Variants in THSD7B observed in about 807,000 individuals in gnomAD.
THSD7B encodes thrombospondin type-1 domain-containing protein 7B.
Under a neutral mutation model 213.6 loss-of-function variants are expected in THSD7B, and 138 were observed. The observed-to-expected ratio is 0.65, with a 90% CI of 0.56 to 0.74. THSD7B has a LOEUF of 0.74. Ranked by LOEUF, THSD7B falls within the 30% of genes least tolerant of loss-of-function variation. The probability of loss-of-function intolerance (pLI) is 0.00; values close to 1 mark genes in which losing one functional copy is unlikely to be tolerated. For missense variants in THSD7B, 1,931 were observed against 1,991.5 expected (o/e 0.97, Z 0.58); for synonymous variants, 742 against 687.0 (o/e 1.08, Z -1.25).
intron 2 of THSD7B, among the ~76,000 whole-genome samples, chr2:136,961,948 G>A (rs529628978): frequency 5.3e-4 from 80 of 152,340 alleles, no homozygotes; most frequent in African/African-American, 1.8e-3. Flanking sequence ...TGCCCAGGAT[G>A]TATGAGTATG....
intron 14 of THSD7B, among the ~76,000 whole-genome samples, chr2:137,425,652 C>T (rs1331964688): frequency 3.3e-5 from 5 of 152,112 alleles, no homozygotes; most frequent in Non-Finnish European, 1.5e-5. Flanking sequence ...GTAGAATACC[C>T]TGTGGATTCC....
At chr2:136,885,161 C>T (rs1246655888) in intron 2 of THSD7B, among the ~76,000 whole-genome samples, 5 of 152,150 alleles carry the variant, frequency 3.3e-5, no homozygotes, top group African/African-American at 4.8e-5. Flanking sequence ...GATAACTGTA[C>T]TTTATTGTAG....
intron 15 of THSD7B, among the ~76,000 whole-genome samples, chr2:137,533,980 A>G (rs1680450838): frequency 6.7e-6 from 1 of 149,768 alleles, no homozygotes; most frequent in African/African-American, 2.5e-5. Context: ...TATTTATTAA[A>G]TAACTGCCCG....
intron 13 of THSD7B, among the ~76,000 whole-genome samples, chr2:137,408,176 A>G (rs947256168): frequency 1.2e-4 from 18 of 152,124 alleles, no homozygotes; most frequent in African/African-American, 3.9e-4. Context: ...CAGTGATGCT[A>G]TATAATTAAG....
At chr2:137,220,798 TA>T (rs35690491) in intron 7 of THSD7B, among the ~76,000 whole-genome samples, 90,699 of 151,930 alleles carry the variant, frequency 0.6, 27,477 homozygotes, top group South Asian at 0.71. Flanking sequence ...GGAGAATGAA[TA>T]AACAAAACCT....
At chr2:137,040,458 A>T (rs1355121960) in intron 2 of THSD7B, among the ~76,000 whole-genome samples, 1 of 150,684 alleles carries the variant, frequency 6.6e-6, no homozygotes, top group Non-Finnish European at 1.5e-5. Context: ...CAATGGCGCA[A>T]TCTTGGCTCA....
intron 7 of THSD7B, among the ~76,000 whole-genome samples, chr2:137,182,670 G>A (rs922048177): frequency 1.3e-5 from 2 of 152,104 alleles, no homozygotes; most frequent in Admixed American, 1.3e-4. Context: ...GCCAGCATAG[G>A]TTGAGTGCAC....
chr2:137,313,692 A>G lies in THSD7B; in HGVS notation c.2500+37666A>G, dbSNP rs1442710986. ...GCGCTTCCTTCAGGAGCTCTTTTAG[A>G]GCCGGCCTGGTGGTGACAAAATCTC... On this transcript the variant is annotated intron_variant, in intron 12 of 27. Coordinates refer to ENST00000409968, the MANE Select transcript of THSD7B (RefSeq NM_001316349.2). 5.3e-5 allele frequency among the ~76,000 whole-genome samples: 8 copies of G among 151,508 alleles called. No homozygotes were observed. The East Asian group carries it at 5.8e-4, about 11-fold the overall frequency.
rs535360353 is a variant in THSD7B, at chr2:136,889,935, T to C, written c.139+7618T>C. On this transcript the variant is annotated intron_variant, in intron 2 of 27. Transcript: ENST00000409968. ...CTAGTACTGCTAAAATAGGGTGTAC[T>C]GGAAGTAATTTTTCAAATCCGTTGA... is the stretch of plus-strand genomic sequence containing the variant. 3.9e-5 allele frequency among the ~76,000 whole-genome samples: 6 copies of C among 152,336 alleles called. No homozygotes were observed. In the South Asian group the frequency reaches 1.2e-3, roughly 32 times the overall value.
At position 137,031,073 on chromosome 2, in the gene THSD7B, G is replaced by A. The variant is rs545053628; in HGVS notation, c.140-25347G>A. On this transcript the variant is annotated intron_variant, in intron 2 of 27. Coordinates refer to ENST00000409968, the MANE Select transcript of THSD7B (RefSeq NM_001316349.2). Reference sequence around the variant, plus strand: ...GTGCAATTAGCAGAGGCCAGGTGCAGTAGCTCATGCCTATAATCCCAGAAT... The same window carrying A: ...GTGCAATTAGCAGAGGCCAGGTGCAATAGCTCATGCCTATAATCCCAGAAT... Among the ~76,000 whole-genome samples, 65 of 152,280 alleles carry A rather than the reference G, an allele frequency of 4.3e-4. No homozygotes were observed. The South Asian group carries it at 0.013, about 32-fold the overall frequency.
intron 17 of THSD7B, among the ~76,000 whole-genome samples, chr2:137,594,745 C>A (rs1681928333): frequency 1.3e-5 from 2 of 151,860 alleles, no homozygotes; most frequent in Non-Finnish European, 2.9e-5. Context: ...CGATTTCTTA[C>A]AATAATCCTG....
chr2:137,663,642 C>T (rs993742204), intron 26 of THSD7B, 67 bp downstream of exon 26: 1 of 1,365,730 alleles, frequency 7.3e-7, no homozygotes, highest in Non-Finnish European at 9.9e-7. Context: ...GACCACTTCT[C>T]ATGATGGAAA....
intron 12 of THSD7B, among the ~76,000 whole-genome samples, chr2:137,327,485 C>T (rs1346354357): frequency 3.9e-5 from 6 of 152,114 alleles, no homozygotes; most frequent in Non-Finnish European, 7.4e-5. Flanking sequence ...TCTCTGTTTT[C>T]CTTTTCTCTT....
Position 137,395,470 on chromosome 2 carries a change from G to A in THSD7B, c.2501-10143G>A, listed in dbSNP as rs545599504. The stretch of plus-strand genomic sequence containing the variant: ...GTTTATATGCTGGATTACATTTATT[G>A]ATTTGCATATATTGAACCAGCCTTG... On this transcript the variant is annotated intron_variant, in intron 12 of 27. Transcript: ENST00000409968. Among the ~76,000 whole-genome samples, 33 of 150,382 alleles carry A rather than the reference G, an allele frequency of 2.2e-4. No individual in the cohort carries two copies. The South Asian group carries it at 4.5e-3, about 20-fold the overall frequency.
intron 25 of THSD7B, among the ~76,000 whole-genome samples, chr2:137,661,264 A>G (rs548292600): frequency 6.6e-6 from 1 of 152,140 alleles, no homozygotes; most frequent in Non-Finnish European, 1.5e-5. Flanking sequence ...TCTTGGTGAC[A>G]TTCATTGTAC....
At chr2:137,478,115 T>A (rs963319434) in intron 15 of THSD7B, among the ~76,000 whole-genome samples, 3 of 152,162 alleles carry the variant, frequency 2.0e-5, no homozygotes, top group Admixed American at 2.0e-4. Flanking sequence ...GCTTCCTCTA[T>A]CTGGATGTCT....
At chr2:136,984,726 T>G (rs1685642064) in intron 2 of THSD7B, among the ~76,000 whole-genome samples, 2 of 151,984 alleles carry the variant, frequency 1.3e-5, no homozygotes, top group Admixed American at 1.3e-4. Flanking sequence ...TGGGCAGAAG[T>G]TGGAAGAGTT....
intron 2 of THSD7B, among the ~76,000 whole-genome samples, chr2:137,017,284 G>GTT (rs35558906): frequency 1.6e-4 from 23 of 145,996 alleles, no homozygotes; most frequent in East Asian, 8.0e-4. Flanking sequence ...GGGCTTCCAT[G>GTT]TTTTTTTTTT....
intron 15 of THSD7B, among the ~76,000 whole-genome samples, chr2:137,562,803 A>G (rs1681150204): frequency 6.6e-6 from 1 of 152,116 alleles, no homozygotes; most frequent in South Asian, 2.1e-4. Flanking sequence ...AACTCCTTAT[A>G]TTCAAGAATA....
Sources: allele counts gnomAD v4.1 joint callset (sites outside exome capture counted in the v4.1 genomes callset), GRCh38; gene constraint gnomAD v4.1.1; transcripts MANE v1.5; gene names NCBI Gene and HGNC (gene_info 2026-07-23, HGNC 2026-07-21).